The following FCHSD2 variants were observed in gnomAD, a reference collection of about 807,000 sequenced individuals.
The protein encoded by FCHSD2 is FCH and double SH3 domains 2.
Under a neutral mutation model 108.1 loss-of-function variants are expected in FCHSD2, and 38 were observed. The observed-to-expected ratio is 0.35, with a 90% CI of 0.27 to 0.46. FCHSD2 has a LOEUF of 0.46. Among genes scored for constraint, FCHSD2 ranks in the 20% least tolerant of loss-of-function variants. The pLI, the probability that FCHSD2 is intolerant of heterozygous loss-of-function variation, is 1.00. For missense variants in FCHSD2, 751 were observed against 897.8 expected, an observed-to-expected ratio of 0.84 and a Z score of 2.09; for synonymous variants, 279 against 314.7, an observed-to-expected ratio of 0.89 and a Z score of 1.20.
At chr11:73,062,186 C>T (rs1379939381) in intron 3 of FCHSD2, among the ~76,000 whole-genome samples, 1 of 152,164 alleles carries the variant, frequency 6.6e-6, no homozygotes, top group Non-Finnish European at 1.5e-5. Flanking sequence ...AGTGGACCTC[C>T]AGCAAACTTC....
chr11:73,055,976 C>G (rs766050674), intron 3 of FCHSD2, among the ~76,000 whole-genome samples: 1 of 152,010 alleles, frequency 6.6e-6, no homozygotes, highest in African/African-American at 2.4e-5. Context: ...ATGAATTTTA[C>G]CCTTAAAAAT....
intron 3 of FCHSD2, among the ~76,000 whole-genome samples, chr11:73,030,978 T>C (rs974275722): frequency 1.3e-5 from 2 of 151,904 alleles, no homozygotes; most frequent in Admixed American, 1.3e-4. Flanking sequence ...AGTATACACA[T>C]ACACATACAC....
At chr11:72,982,990 T>G (rs947301287) in intron 8 of FCHSD2, among the ~76,000 whole-genome samples, 1 of 149,902 alleles carries the variant, frequency 6.7e-6, no homozygotes, top group Non-Finnish European at 1.5e-5. Context: ...GCAAGACTCT[T>G]GTTTCTAAAA....
intron 13 of FCHSD2, among the ~76,000 whole-genome samples, chr11:72,858,134 G>T (rs77656109): frequency 0.013 from 2,009 of 152,278 alleles, 43 homozygotes; most frequent in African/African-American, 0.046. Context: ...TCCAGATAAA[G>T]AATCTGGTAA....
intron 8 of FCHSD2, among the ~76,000 whole-genome samples, chr11:72,952,966 A>G (rs1246193335): frequency 6.6e-6 from 1 of 152,228 alleles, no homozygotes; most frequent in Non-Finnish European, 1.5e-5. Flanking sequence ...ACAATCCTGA[A>G]GCAAACACAA....
chr11:72,870,716 C>G (rs1476675049), intron 12 of FCHSD2, among the ~76,000 whole-genome samples: 1 of 151,718 alleles, frequency 6.6e-6, no homozygotes, highest in Non-Finnish European at 1.5e-5. Context: ...CTGGTTAACA[C>G]AGTGAAACCC....
intron 13 of FCHSD2, among the ~76,000 whole-genome samples, chr11:72,850,149 G>A (rs1565287096): frequency 7.4e-6 from 1 of 135,082 alleles, no homozygotes; most frequent in Non-Finnish European, 1.5e-5. Flanking sequence ...CTGCAACCTC[G>A]GCCTCCCAGG....
At chr11:72,991,023 AGG>A (rs1857401444) in intron 5 of FCHSD2, among the ~76,000 whole-genome samples, 1 of 152,220 alleles carries the variant, frequency 6.6e-6, no homozygotes. Context: ...AAAATGATAA[AGG>A]GGATATCACC....
intron 8 of FCHSD2, among the ~76,000 whole-genome samples, chr11:72,943,037 G>C (rs993721018): frequency 3.3e-5 from 5 of 152,038 alleles, no homozygotes; most frequent in Non-Finnish European, 7.4e-5. Context: ...TGTTGCTCAC[G>C]CTGGAGTGCA....
chr11:72,916,968 CTTTTTTTT>C (rs71062793), intron 9 of FCHSD2, among the ~76,000 whole-genome samples: 2 of 118,776 alleles, frequency 1.7e-5, no homozygotes, highest in African/African-American at 6.5e-5. Flanking sequence ...GAACTTCATT[CTTTTTTTT>C]TTTTTTTTTT....
chr11:72,891,082 C>A (rs1171563290), intron 10 of FCHSD2, among the ~76,000 whole-genome samples: 1 of 151,890 alleles, frequency 6.6e-6, no homozygotes, highest in African/African-American at 2.4e-5. Flanking sequence ...ATACTCAGCT[C>A]ATTTTTTTTT....
chr11:73,116,225 G>GA (rs1163229608), intron 2 of FCHSD2, among the ~76,000 whole-genome samples: 1 of 151,934 alleles, frequency 6.6e-6, no homozygotes, highest in Non-Finnish European at 1.5e-5. Flanking sequence ...AATTGTCCTT[G>GA]AAGTTTTTAT....
At chr11:73,081,242 T>C (rs987246876) in intron 3 of FCHSD2, among the ~76,000 whole-genome samples, 2 of 152,058 alleles carry the variant, frequency 1.3e-5, no homozygotes, top group African/African-American at 4.8e-5. Context: ...GAGATCATCT[T>C]GCCCACTATG....
At chr11:72,882,179 AT>A (rs747899089) in intron 12 of FCHSD2, among the ~76,000 whole-genome samples, 3 of 151,580 alleles carry the variant, frequency 2.0e-5, no homozygotes, top group Non-Finnish European at 4.4e-5. Flanking sequence ...ATGGTGGCTC[AT>A]GCCTGTAATC....
chr11:72,861,846 G>A (rs1175927087), intron 13 of FCHSD2, among the ~76,000 whole-genome samples: 1 of 151,292 alleles, frequency 6.6e-6, no homozygotes, highest in South Asian at 2.1e-4. Flanking sequence ...CAGAAGAATC[G>A]CTTGAACCTG....
chr11:72,960,271 C>T (rs1181226620), intron 8 of FCHSD2, among the ~76,000 whole-genome samples: 1 of 152,062 alleles, frequency 6.6e-6, no homozygotes, highest in Non-Finnish European at 1.5e-5. Context: ...GGGCACTAAG[C>T]GATTCATGAG....
chr11:72,838,726 A>T lies in FCHSD2; in HGVS notation c.*65T>A, dbSNP rs1860808886. The T allele has an allele frequency of 5.7e-6, 8 of 1,409,114 alleles. No individual in the cohort carries two copies. Among genetic ancestry groups the T allele is most frequent in the Middle Eastern group, 2.3e-4 (1 of 4,400 alleles). 87.3% of individuals were successfully genotyped at this position (1,409,114 alleles called of 1,614,324 possible). ...CATCATCATGCAAAGGTGCCTAAAAAACAAGACTGGCCAAACTCCAAGCCT... is the reference window on the plus strand; with the variant it reads ...CATCATCATGCAAAGGTGCCTAAAATACAAGACTGGCCAAACTCCAAGCCT... On this transcript the variant is annotated 3_prime_UTR_variant, in exon 20 of 20. Transcript: ENST00000409418.
chr11:73,043,796 T>C (rs994674715), intron 3 of FCHSD2, among the ~76,000 whole-genome samples: 2 of 152,204 alleles, frequency 1.3e-5, no homozygotes, highest in Non-Finnish European at 1.5e-5. Context: ...ATCTTTTTTT[T>C]CCTTCCTCTC....
At chr11:72,998,528 G>A (rs573056708) in intron 5 of FCHSD2, among the ~76,000 whole-genome samples, 3 of 151,948 alleles carry the variant, frequency 2.0e-5, no homozygotes, top group African/African-American at 4.8e-5. Flanking sequence ...GTGACAGAGC[G>A]AGACTCTGTC....
Sources: allele counts gnomAD v4.1 joint callset (sites outside exome capture counted in the v4.1 genomes callset), GRCh38; gene constraint gnomAD v4.1.1; transcripts MANE v1.5; gene names NCBI Gene and HGNC (gene_info 2026-07-23, HGNC 2026-07-21).